WDFY1: variants seen among roughly 807,000 people sequenced by gnomAD.
WDFY1 encodes the protein WD repeat and FYVE domain-containing protein 1.
Under a neutral mutation model 56.4 loss-of-function variants are expected in WDFY1, and 32 were observed. The ratio of observed to expected loss-of-function variants is 0.57; its 90% CI spans 0.43 to 0.76. The LOEUF (loss-of-function observed/expected upper bound fraction) is 0.76, where lower values mean the gene tolerates loss of function less well. Ranked by LOEUF, WDFY1 falls within the 30% of genes least tolerant of loss-of-function variation. The pLI is 0.00. For synonymous variants in WDFY1, 192 were observed against 197.3 expected (o/e 0.97, Z 0.23); for missense variants, 480 against 545.7 (o/e 0.88, Z 1.20).
chr2:223,912,401 A>G, intron 2 of WDFY1, 75 bp from the exon 3 acceptor site: 1 of 1,195,446 alleles, frequency 8.4e-7, no homozygotes, highest in Non-Finnish European at 1.2e-6. Context: ...ATTAAGAACT[A>G]TATGATAAGA....
chr2:223,901,373 A>G (rs1281363506), intron 4 of WDFY1, 40 bp from the exon 5 acceptor site: 5 of 1,610,636 alleles, frequency 3.1e-6, no homozygotes, highest in Non-Finnish European at 3.4e-6. Flanking sequence ...ATCTCCAGAA[A>G]CAGCACTCTA....
chr2:223,945,164 T>G lies in WDFY1; in HGVS notation c.121A>C (p.Thr41Pro). Residue 41 changes from threonine (T) to proline (P), a missense_variant, in exon 1 of 12, where the codon ACG (threonine) becomes CCG (proline). Coordinates refer to ENST00000233055, the MANE Select transcript of WDFY1 (RefSeq NM_020830.5). The stretch of plus-strand genomic sequence containing the variant: ...GGGCCCTACCTGTCCTCGCTGGCCG[T>G]GATCACGCCGTCCTCCTTGGGGATG... ...LLIPKEDGVI[T>P]ASEDRTIRVW... The G allele has an allele frequency of 6.3e-7, 1 of 1,596,290 alleles. No homozygotes were observed. Among genetic ancestry groups the G allele is most frequent in the Non-Finnish European group, 8.5e-7 (1 of 1,175,046 alleles).
chr2:223,912,347 A>C, intron 2 of WDFY1, 21 bp from the exon 3 acceptor site: 1 of 1,587,974 alleles, frequency 6.3e-7, no homozygotes, highest in Non-Finnish European at 8.5e-7. Context: ...GACAAAGACC[A>C]CATTACCAGC....
intron 1 of WDFY1, among the ~76,000 whole-genome samples, chr2:223,936,333 A>G (rs1456963530): frequency 6.6e-6 from 1 of 152,066 alleles, no homozygotes; most frequent in Admixed American, 6.6e-5. Flanking sequence ...ATGTTCTGTG[A>G]TTACAGGCAT....
At chr2:223,913,843 G>C (rs1693742917) in intron 2 of WDFY1, among the ~76,000 whole-genome samples, 1 of 151,858 alleles carries the variant, frequency 6.6e-6, no homozygotes, top group Non-Finnish European at 1.5e-5. Flanking sequence ...GAAAAAAAAG[G>C]CTTCCTTAGT....
At chr2:223,894,746 G>C (rs1352781102) in intron 7 of WDFY1, among the ~76,000 whole-genome samples, 1 of 152,128 alleles carries the variant, frequency 6.6e-6, no homozygotes, top group Non-Finnish European at 1.5e-5. Context: ...AAGATCACTA[G>C]TGTGCACACA....
At chr2:223,891,331 C>T (rs1693272436) in intron 8 of WDFY1, among the ~76,000 whole-genome samples, 1 of 131,038 alleles carries the variant, frequency 7.6e-6, no homozygotes, top group Admixed American at 9.2e-5. Flanking sequence ...TGCAGTGAGC[C>T]GAGATCGCAC....
chr2:223,900,073 T>G (rs1693477863), intron 5 of WDFY1, among the ~76,000 whole-genome samples: 1 of 152,216 alleles, frequency 6.6e-6, no homozygotes. Flanking sequence ...TAGATATTTG[T>G]GGAAAACCAG....
chr2:223,892,360 A>T (rs902474836), intron 8 of WDFY1, among the ~76,000 whole-genome samples: 1 of 152,250 alleles, frequency 6.6e-6, no homozygotes, highest in Admixed American at 6.5e-5. Flanking sequence ...AAATTCAAAA[A>T]GAGAAATTAA....
intron 9 of WDFY1, among the ~76,000 whole-genome samples, chr2:223,883,488 C>T (rs1430856511): frequency 6.6e-6 from 1 of 152,132 alleles, no homozygotes; most frequent in Non-Finnish European, 1.5e-5. Flanking sequence ...TACCATCAGC[C>T]ATGCATTGTG....
At chr2:223,886,423 A>C (rs564762833) in intron 8 of WDFY1, among the ~76,000 whole-genome samples, 1 of 150,902 alleles carries the variant, frequency 6.6e-6, no homozygotes, top group South Asian at 2.1e-4. Context: ...TCTAAGACAA[A>C]CCTGCTAAAA....
chr2:223,945,106 C>T, intron 1 of WDFY1, 42 bp downstream of exon 1: 1 of 1,546,836 alleles, frequency 6.5e-7, no homozygotes, highest in Non-Finnish European at 8.7e-7. Flanking sequence ...CACACCCCGT[C>T]GTCGCGGAGT....
intron 2 of WDFY1, among the ~76,000 whole-genome samples, chr2:223,915,892 A>G (rs917120722): frequency 6.6e-5 from 10 of 152,220 alleles, no homozygotes; most frequent in Non-Finnish European, 1.2e-4. Flanking sequence ...AGGCTCCATA[A>G]GCACCTTCAC....
Position 223,899,096 on chromosome 2 carries a change from G to A in WDFY1, c.486-26C>T, listed in dbSNP as rs746217211. The stretch of plus-strand genomic sequence containing the variant: ...CTGAGGAGAAGCAGTCAAGGATGTA[G>A]AACAGAAATCACCTGAAAGTCCTCT... On this transcript the variant is annotated intron_variant, in intron 5 of 11. Coordinates refer to ENST00000233055, the MANE Select transcript of WDFY1 (RefSeq NM_020830.5). 5 of 1,592,280 alleles carry A rather than the reference G, an allele frequency of 3.1e-6. 1 individual carries two copies. In the South Asian group the frequency reaches 3.3e-5, roughly 11 times the overall value.
At chr2:223,884,248 G>A (rs777219094) in intron 9 of WDFY1, among the ~76,000 whole-genome samples, 25 of 152,192 alleles carry the variant, frequency 1.6e-4, no homozygotes, top group Non-Finnish European at 5.9e-5. Context: ...GCATTCAAGT[G>A]AGGACTAAAT....
At chr2:223,909,917 T>C (rs1431021632) in intron 3 of WDFY1, among the ~76,000 whole-genome samples, 3 of 152,218 alleles carry the variant, frequency 2.0e-5, no homozygotes, top group East Asian at 3.8e-4. Flanking sequence ...ATGCTATTCA[T>C]CTGCTGAAAA....
At chr2:223,898,093 T>A (rs982618721) in intron 6 of WDFY1, among the ~76,000 whole-genome samples, 3 of 152,162 alleles carry the variant, frequency 2.0e-5, no homozygotes, top group African/African-American at 7.2e-5. Context: ...TACACATGTG[T>A]ATGTGGCGAG....
intron 1 of WDFY1, among the ~76,000 whole-genome samples, chr2:223,939,425 G>A (rs1457281534): frequency 6.6e-6 from 1 of 152,172 alleles, no homozygotes; most frequent in Non-Finnish European, 1.5e-5. Context: ...CCTCTACCTA[G>A]ATGCCAGTAT....
rs145343481 is a variant in WDFY1 at position 223,901,183 on chromosome 2, T to C, written c.485A>G (p.Gln162Arg). The change falls in exon 5 of 12, where the codon CAA becomes CGA. Residue 162 changes from glutamine to arginine, a missense_variant and splice_region_variant. Gln to Arg is a conservative substitution (Grantham distance 43). Transcript: ENST00000233055. ...AGAGGTCCGTGGCTCTGAAGGATAC[T>C]GCAGACACGAAGCCCAGGACGTGAA... is the stretch of plus-strand genomic sequence containing the variant. ...HFFTSWASCL[Q>R]YDFDTQYAFV... The C allele has an allele frequency of 4.2e-5, 67 of 1,613,316 alleles. No homozygotes were observed. The highest frequency in any genetic ancestry group is 6.7e-5 in the Admixed American group (4 of 59,932).
Sources: allele counts gnomAD v4.1 joint callset (sites outside exome capture counted in the v4.1 genomes callset), GRCh38; gene constraint gnomAD v4.1.1; transcripts MANE v1.5; gene names NCBI Gene and HGNC (gene_info 2026-07-23, HGNC 2026-07-21).